The following CTNNA3 variants were observed in gnomAD, a reference collection of about 807,000 sequenced individuals.
CTNNA3 encodes catenin alpha-3.
Under a neutral mutation model 95.7 loss-of-function variants are expected in CTNNA3, and 76 were observed. The observed-to-expected ratio is 0.79, with a 90% CI of 0.66 to 0.96. CTNNA3 has a LOEUF of 0.96. Ranked by LOEUF, CTNNA3 falls within the 40% of genes least tolerant of loss-of-function variation. CTNNA3 has a pLI of 0.00. For synonymous variants in CTNNA3, 431 were observed against 374.4 expected (o/e 1.15, Z -1.74); for missense variants, 1,191 against 1,089.8 (o/e 1.09, Z -1.31).
At chr10:66,292,786 A>G (rs1272003569) in intron 12 of CTNNA3, among the ~76,000 whole-genome samples, 2 of 152,178 alleles carry the variant, frequency 1.3e-5, no homozygotes, top group East Asian at 3.8e-4. Flanking sequence ...AATCATCATG[A>G]GGCTGCCTGC....
intron 1 of CTNNA3, among the ~76,000 whole-genome samples, chr10:67,704,445 C>G (rs557950829): frequency 4.6e-5 from 7 of 152,298 alleles, no homozygotes; most frequent in Non-Finnish European, 1.0e-4. Context: ...ATCAATGGAA[C>G]AGACCAGAGC....
intron 15 of CTNNA3, among the ~76,000 whole-genome samples, chr10:65,996,867 G>T (rs992139111): frequency 2.0e-5 from 3 of 152,082 alleles, no homozygotes; most frequent in African/African-American, 7.2e-5. Flanking sequence ...CCAGTGTTCT[G>T]TCTTAGATGC....
At chr10:66,675,497 C>A (rs147201909) in intron 9 of CTNNA3, among the ~76,000 whole-genome samples, 23 of 152,112 alleles carry the variant, frequency 1.5e-4, no homozygotes, top group Non-Finnish European at 2.1e-4. Flanking sequence ...GGAACAGATT[C>A]TATGTAATGT....
chr10:66,073,960 AC>A (rs1442649519), intron 14 of CTNNA3, among the ~76,000 whole-genome samples: 1 of 151,978 alleles, frequency 6.6e-6, no homozygotes, highest in East Asian at 1.9e-4. Flanking sequence ...ATATCAAGAA[AC>A]CTTAAAAAGA....
intron 9 of CTNNA3, among the ~76,000 whole-genome samples, chr10:66,700,461 T>C (rs186063236): frequency 1.5e-4 from 23 of 152,304 alleles, no homozygotes; most frequent in African/African-American, 5.5e-4. Context: ...GGTTTATTTC[T>C]GGGCTTTTTA....
chr10:67,293,227 T>C (rs1182695381), intron 5 of CTNNA3, among the ~76,000 whole-genome samples: 2 of 152,148 alleles, frequency 1.3e-5, no homozygotes, highest in Non-Finnish European at 2.9e-5. Context: ...GGAAAACATC[T>C]CCAAAGGTCC....
At chr10:66,995,946 C>T (rs994237820) in intron 7 of CTNNA3, among the ~76,000 whole-genome samples, 1 of 152,198 alleles carries the variant, frequency 6.6e-6, no homozygotes, top group Non-Finnish European at 1.5e-5. Context: ...TGGTTTATTA[C>T]ATTATTGTAT....
intron 7 of CTNNA3, among the ~76,000 whole-genome samples, chr10:66,959,631 C>T (rs528209017): frequency 4.3e-4 from 66 of 152,178 alleles, no homozygotes; most frequent in Non-Finnish European, 7.8e-4. Context: ...TCAGGTCTAA[C>T]ATTCCACAAC....
intron 1 of CTNNA3, among the ~76,000 whole-genome samples, chr10:67,710,965 G>T (rs1463398213): frequency 6.6e-6 from 1 of 152,166 alleles, no homozygotes; most frequent in Non-Finnish European, 1.5e-5. Flanking sequence ...AATCATGGGG[G>T]CAGGTCTTTC....
intron 5 of CTNNA3, among the ~76,000 whole-genome samples, chr10:67,440,255 T>C (rs1846453957): frequency 6.6e-6 from 1 of 152,178 alleles, no homozygotes; most frequent in African/African-American, 2.4e-5. Context: ...CAGCTCCGCC[T>C]GTGGAAAGTG....
chr10:66,074,944 AC>A (rs940876917), intron 14 of CTNNA3, among the ~76,000 whole-genome samples: 9 of 151,976 alleles, frequency 5.9e-5, no homozygotes, highest in African/African-American at 2.2e-4. Context: ...GCTAAAAAAA[AC>A]TCAAGACTTT....
At chr10:66,884,128 T>C (rs1436025654) in intron 7 of CTNNA3, among the ~76,000 whole-genome samples, 2 of 151,984 alleles carry the variant, frequency 1.3e-5, no homozygotes, top group Admixed American at 6.6e-5. Context: ...TGGAAACTAA[T>C]AGAGTGAGGA....
At chr10:67,742,203 T>C (rs1841344069) in intron 1 of CTNNA3, among the ~76,000 whole-genome samples, 1 of 151,226 alleles carries the variant, frequency 6.6e-6, no homozygotes, top group Non-Finnish European at 1.5e-5. Flanking sequence ...TATACATTCT[T>C]CTCAGCACCA....
At chr10:66,142,766 GGGTAGTTTTCTTCA>G (rs1360588471) in intron 13 of CTNNA3, among the ~76,000 whole-genome samples, 1 of 152,012 alleles carries the variant, frequency 6.6e-6, no homozygotes, top group Non-Finnish European at 1.5e-5. Flanking sequence ...ACTTGTTTTT[GGGTAGTTTTCTTCA>G]GTGAATTCTA....
chr10:67,265,682 C>G (rs747491711), intron 5 of CTNNA3, among the ~76,000 whole-genome samples: 2 of 152,094 alleles, frequency 1.3e-5, no homozygotes, highest in Non-Finnish European at 2.9e-5. Flanking sequence ...TCAGAGACAT[C>G]AGGTACTGTG....
chr10:67,584,518 G>T (rs1842549277), intron 3 of CTNNA3, among the ~76,000 whole-genome samples: 1 of 151,858 alleles, frequency 6.6e-6, no homozygotes, highest in Non-Finnish European at 1.5e-5. Context: ...GCGGGTCATG[G>T]ACCCACTTGA....
chr10:65,967,392 ACCTAGAATTACTATTAGAAGGCT>A (rs1402866408), intron 16 of CTNNA3, among the ~76,000 whole-genome samples: 13 of 152,184 alleles, frequency 8.5e-5, no homozygotes, highest in Non-Finnish European at 5.9e-5. Flanking sequence ...TATTTCTTTC[ACCTAGAATTACTATTAGAAGGCT>A]CCTAGAATTA....
chr10:67,710,466 C>T (rs1162482692), intron 1 of CTNNA3, among the ~76,000 whole-genome samples: 1 of 152,064 alleles, frequency 6.6e-6, no homozygotes, highest in Non-Finnish European at 1.5e-5. Context: ...GCTAGAAACC[C>T]AGGATTTTAG....
At chr10:66,742,474 C>A (rs961353525) in intron 9 of CTNNA3, among the ~76,000 whole-genome samples, 2 of 152,092 alleles carry the variant, frequency 1.3e-5, no homozygotes, top group African/African-American at 4.8e-5. Flanking sequence ...TATCTTATTA[C>A]CTTGTGAAGC....
Sources: allele counts gnomAD v4.1 joint callset (sites outside exome capture counted in the v4.1 genomes callset), GRCh38; gene constraint gnomAD v4.1.1; transcripts MANE v1.5; gene names NCBI Gene and HGNC (gene_info 2026-07-23, HGNC 2026-07-21).